Variants in CRTC3 observed in about 807,000 individuals in gnomAD.
CRTC3 encodes the protein CREB regulated transcription coactivator 3, also known as CREB-regulated transcription coactivator 3.
In CRTC3, 26 loss-of-function variants were observed where a neutral mutation model predicts 74.5. That is an observed-to-expected ratio of 0.35 (90% CI 0.26 to 0.48). The LOEUF is 0.48. CRTC3 is among the 20% of genes least tolerant of loss of function. CRTC3 has a pLI of 0.99. For synonymous variants in CRTC3, 377 were observed against 325.8 expected, an observed-to-expected ratio of 1.16 and a Z score of -1.69; for missense variants, 760 against 787.3, an observed-to-expected ratio of 0.97 and a Z score of 0.41.
chr15:90,620,577 G>A (rs965276475), intron 9 of CRTC3, among the ~76,000 whole-genome samples: 3 of 152,100 alleles, frequency 2.0e-5, no homozygotes, highest in African/African-American at 7.2e-5. Context: ...TGCTGCGTGG[G>A]ACGGTACAGA....
chr15:90,538,091 C>T lies in CRTC3; in HGVS notation c.133-1948C>T, dbSNP rs182744115. Among the ~76,000 whole-genome samples, 4 of 152,328 alleles carry T rather than the reference C, an allele frequency of 2.6e-5. No homozygotes were observed. In the East Asian group the frequency reaches 7.7e-4, roughly 29 times the overall value. On this transcript the variant is annotated intron_variant, in intron 1 of 14. Transcript: ENST00000268184. ...CTCTGAAGGCAGGAACTTTAGCATA[C>T]ATTCATCTTAGTAAGCCAGTGCCTG...
intron 11 of CRTC3, among the ~76,000 whole-genome samples, chr15:90,629,974 G>A (rs1276091897): frequency 2.6e-5 from 4 of 152,136 alleles, no homozygotes; most frequent in African/African-American, 9.7e-5. Context: ...TCCTCCCAGC[G>A]TGGCCTCCCA....
At chr15:90,545,579 T>G (rs1966842791) in intron 2 of CRTC3, among the ~76,000 whole-genome samples, 3 of 151,146 alleles carry the variant, frequency 2.0e-5, no homozygotes, top group African/African-American at 7.3e-5. Context: ...TTTGTTTGTT[T>G]TTTTTTTTTA....
At chr15:90,606,312 A>C (rs1341523837) in intron 5 of CRTC3, among the ~76,000 whole-genome samples, 2 of 152,104 alleles carry the variant, frequency 1.3e-5, no homozygotes, top group African/African-American at 4.8e-5. Flanking sequence ...CTGTAATCCC[A>C]GCACTTTGGG....
rs1175467073 is a variant in CRTC3 at position 90,630,756 on chromosome 15, A to ATTTTTTTTT, written c.1266+1248_1266+1256dup. Among the ~76,000 whole-genome samples, 16 of 23,652 alleles carry ATTTTTTTTT rather than the reference A, an allele frequency of 6.8e-4. 6 individuals are homozygous for ATTTTTTTTT. Among genetic ancestry groups the ATTTTTTTTT allele is most frequent in the African/African-American group, 1.2e-3 (11 of 9,428 alleles). The allele number at this position is 23,652 out of a possible 152,430, so 15.5% of individuals were successfully genotyped here. ...CACATCCTCTGTCTATTACAGCATC[A>ATTTTTTTTT]TTTTTTTTTTTTTTTTTTTTTTTTT... On this transcript the variant is annotated intron_variant, in intron 11 of 14. Coordinates refer to ENST00000268184, the MANE Select transcript of CRTC3 (RefSeq NM_022769.5).
intron 2 of CRTC3, 36 bp from the exon 3 acceptor site, chr15:90,593,600 G>C: frequency 1.3e-6 from 2 of 1,583,868 alleles, no homozygotes; most frequent in East Asian, 2.3e-5. Context: ...TCAATTTCAT[G>C]GTTGGAGGCC....
At chr15:90,610,242 C>A (rs1049581356) in intron 6 of CRTC3, among the ~76,000 whole-genome samples, 1 of 152,130 alleles carries the variant, frequency 6.6e-6, no homozygotes, top group African/African-American at 2.4e-5. Flanking sequence ...TAGGACCAAC[C>A]AAAGAAAGAT....
At chr15:90,602,631 C>T (rs1045938761) in intron 4 of CRTC3, among the ~76,000 whole-genome samples, 11 of 145,792 alleles carry the variant, frequency 7.5e-5, no homozygotes, top group Non-Finnish European at 1.6e-4. Flanking sequence ...GACGCCATCT[C>T]TTAAAAACAA....
At chr15:90,550,388 C>A (rs1266309169) in intron 2 of CRTC3, among the ~76,000 whole-genome samples, 2 of 147,130 alleles carry the variant, frequency 1.4e-5, no homozygotes, top group Non-Finnish European at 3.0e-5. Flanking sequence ...CCAGCCTGGG[C>A]AACAAGAGTG....
At chr15:90,625,725 C>T (rs779065452) in intron 9 of CRTC3, 51 bp from the exon 10 acceptor site, 2 of 1,538,122 alleles carry the variant, frequency 1.3e-6, no homozygotes, top group South Asian at 1.1e-5. Flanking sequence ...GTTTGGTTTC[C>T]CAACAGCCAA....
At position 90,638,760 on chromosome 15, in the gene CRTC3, C is replaced by T; in HGVS notation, c.1493C>T (p.Pro498Leu). 6.2e-7 allele frequency: 1 copy of T among 1,614,178 alleles called. No homozygotes were observed. Among genetic ancestry groups the T allele is most frequent in the Non-Finnish European group, 8.5e-7 (1 of 1,180,030 alleles). Residue 498 changes from proline (P) to leucine (L), a missense_variant, in exon 13 of 15, where the codon CCA becomes CTA. Coordinates refer to ENST00000268184, the MANE Select transcript of CRTC3 (RefSeq NM_022769.5). ...GGCTCATCTTTGACCAACTTCTTCC[C>T]AGATGTGGGTTTTGACCAGCAGTCC... is the stretch of plus-strand genomic sequence containing the variant. ...AQGSSLTNFF[P>L]DVGFDQQSMR...
intron 2 of CRTC3, among the ~76,000 whole-genome samples, chr15:90,547,730 G>A (rs1403434136): frequency 6.6e-6 from 1 of 152,126 alleles, no homozygotes; most frequent in Non-Finnish European, 1.5e-5. Flanking sequence ...GCGAGGGCTA[G>A]GGCTGTCTCT....
intron 11 of CRTC3, among the ~76,000 whole-genome samples, chr15:90,631,623 G>T (rs1969040585): frequency 6.6e-6 from 1 of 151,446 alleles, no homozygotes; most frequent in Admixed American, 6.6e-5. Flanking sequence ...ACCTACTCAG[G>T]ATGCTGCGAC....
intron 2 of CRTC3, among the ~76,000 whole-genome samples, chr15:90,547,988 A>G (rs377648761): frequency 2.0e-4 from 30 of 150,068 alleles, no homozygotes; most frequent in African/African-American, 6.1e-4. Flanking sequence ...TCCTGGGCTC[A>G]AGGGATCCTC....
chr15:90,576,930 C>A (rs1004602251), intron 2 of CRTC3, among the ~76,000 whole-genome samples: 2 of 152,046 alleles, frequency 1.3e-5, no homozygotes, highest in East Asian at 3.9e-4. Flanking sequence ...ACCGGGACAC[C>A]GGGGCAAGGA....
At position 90,550,195 on chromosome 15, in the gene CRTC3, G is replaced by T. The variant is rs939709366; in HGVS notation, c.231+10058G>T. On this transcript the variant is annotated intron_variant, in intron 2 of 14. Transcript: ENST00000268184. ...TGTAATCCCAGCACTTTGGGAGGCC[G>T]AGGTGGGCAGATCACCTGAAGTCAG... Among the ~76,000 whole-genome samples the T allele has an allele frequency of 2.0e-5, 3 of 151,166 alleles. No individual in the cohort carries two copies. The East Asian group carries it at 5.9e-4, about 30-fold the overall frequency.
chr15:90,641,995 G>A lies in CRTC3; in HGVS notation c.1715G>A (p.Ser572Asn). The change falls in exon 15 of 15, where the codon AGC (serine) becomes AAC (asparagine). Residue 572 changes from serine (S) to asparagine (N), a missense_variant. Around this residue, in one of 2 missense-constraint regions of CRTC3, gnomAD observed 652 missense variants for 635.2 expected, o/e 1.03. Transcript: ENST00000268184. Reference protein sequence around the residue: ...NSALAGLPEVSLNVDTPFPLE... With the variant: ...NSALAGLPEVNLNVDTPFPLE... The stretch of plus-strand genomic sequence containing the variant: ...GCGCTGGCAGGCCTGCCTGAGGTCA[G>A]CCTGAACGTGGACACTCCATTTCCA... 6.2e-7 allele frequency: 1 copy of A among 1,613,888 alleles called. No individual in the cohort carries two copies. Among genetic ancestry groups the A allele is most frequent in the Non-Finnish European group, 8.5e-7 (1 of 1,179,996 alleles).
chr15:90,621,139 G>A (rs1968638028), intron 9 of CRTC3, among the ~76,000 whole-genome samples: 1 of 149,252 alleles, frequency 6.7e-6, no homozygotes, highest in African/African-American at 2.5e-5. Flanking sequence ...TGGTTCAGGG[G>A]CTTCCTGGTA....
chr15:90,559,910 T>C (rs1305004874), intron 2 of CRTC3, among the ~76,000 whole-genome samples: 1 of 152,276 alleles, frequency 6.6e-6, no homozygotes, highest in African/African-American at 2.4e-5. Context: ...CCCAAAGTGT[T>C]GGGATTACAG....
Sources: allele counts gnomAD v4.1 joint callset (sites outside exome capture counted in the v4.1 genomes callset), GRCh38; gene constraint gnomAD v4.1.1; regional missense constraint gnomAD v4.1.1; transcripts MANE v1.5; gene names NCBI Gene and HGNC (gene_info 2026-07-23, HGNC 2026-07-21).